Variants in SCAF8 observed in about 807,000 individuals in gnomAD.
The protein encoded by SCAF8 is SR-related CTD associated factor 8, also known as SR-related and CTD-associated factor 8.
Under a neutral mutation model 140.5 loss-of-function variants are expected in SCAF8, and 23 were observed. The ratio of observed to expected loss-of-function variants is 0.16; its 90% confidence interval spans 0.12 to 0.23. SCAF8 has a LOEUF of 0.23. SCAF8 is among the 10% of genes least tolerant of loss of function. The pLI is 1.00. For missense variants in SCAF8, 1,397 were observed against 1,555.7 expected (o/e 0.90, Z 1.72); for synonymous variants, 575 against 528.9 (o/e 1.09, Z -1.20).
At chr6:154,773,154 T>C (rs1776819931) in intron 1 of SCAF8, among the ~76,000 whole-genome samples, 1 of 152,246 alleles carries the variant, frequency 6.6e-6, no homozygotes, top group Admixed American at 6.5e-5. Context: ...GCAACCATCA[T>C]CACGTTCCAT....
intron 1 of SCAF8, among the ~76,000 whole-genome samples, chr6:154,737,347 T>A (rs561391983): frequency 5.9e-5 from 9 of 152,326 alleles, no homozygotes; most frequent in African/African-American, 2.2e-4. Flanking sequence ...ATCAGGAACG[T>A]TTGTCAACAA....
intron 6 of SCAF8, among the ~76,000 whole-genome samples, chr6:154,796,389 C>CTCTGTCTGTCTGTCTG (rs1554261842): frequency 2.8e-5 from 4 of 141,060 alleles, no homozygotes; most frequent in South Asian, 4.7e-4. Context: ...CTCTCTCTCT[C>CTCTGTCTGTCTGTCTG]TCTGTCTCTC....
chr6:154,756,058 G>A (rs941380695), intron 1 of SCAF8, among the ~76,000 whole-genome samples: 50 of 152,240 alleles, frequency 3.3e-4, no homozygotes, highest in African/African-American at 1.2e-3. Flanking sequence ...CTAACTGGAT[G>A]TTTATTTCAC....
rs1411957476 is a variant in SCAF8 at position 154,818,582 on chromosome 6, A to G, written c.1625A>G (p.Lys542Arg). The change falls in exon 14 of 20, where the codon AAG becomes AGG. Residue 542 changes from lysine to arginine, a missense_variant. By Grantham distance (26) the Lys-to-Arg change is conservative. This residue lies in a region of SCAF8 where 59 missense variants were observed against 110.7 expected (regional missense o/e 0.53). Coordinates refer to ENST00000367178, the MANE Select transcript of SCAF8 (RefSeq NM_014892.5). ...TCTGGATCATATAAAATTGGGTCCA[A>G]GGTCATTAAGGTGAGATTTGGTGGA... ...LSSGSYKIGS[K>R]VIKIAWALNK... The G allele has an allele frequency of 3.2e-6, 5 of 1,561,204 alleles. No individual in the cohort carries two copies. Among genetic ancestry groups the G allele is most frequent in the Non-Finnish European group, 3.5e-6 (4 of 1,139,014 alleles).
rs548750087 is a variant in SCAF8, at chr6:154,745,597, A to C, written c.30+11667A>C. Reference sequence around the variant, plus strand: ...GCTATGTTGCTCAGGCTGGGGTGTTAATTTTTATCTGCAGGGTTTCCCTAC... The same window carrying C: ...GCTATGTTGCTCAGGCTGGGGTGTTCATTTTTATCTGCAGGGTTTCCCTAC... On this transcript the variant is annotated intron_variant, in intron 1 of 19. Coordinates refer to ENST00000367178, the MANE Select transcript of SCAF8 (RefSeq NM_014892.5). Among the ~76,000 whole-genome samples, 3 of 152,054 alleles carry C rather than the reference A, an allele frequency of 2.0e-5. No homozygotes were observed. The East Asian group carries it at 5.8e-4, about 29-fold the overall frequency.
chr6:154,802,936 C>T (rs1777811147), intron 7 of SCAF8, among the ~76,000 whole-genome samples: 1 of 152,080 alleles, frequency 6.6e-6, no homozygotes, highest in South Asian at 2.1e-4. Flanking sequence ...AACTTAAAAT[C>T]TTTCATGTAC....
intron 3 of SCAF8, among the ~76,000 whole-genome samples, chr6:154,784,988 A>G (rs1395734980): frequency 6.6e-6 from 1 of 152,186 alleles, no homozygotes; most frequent in East Asian, 1.9e-4. Context: ...CCCCCTACCC[A>G]GGTAACCAGT....
intron 7 of SCAF8, 52 bp downstream of exon 7, chr6:154,802,199 A>C: frequency 2.8e-6 from 3 of 1,079,452 alleles, no homozygotes; most frequent in Non-Finnish European, 3.9e-6. Context: ...AATATTATAT[A>C]CTATCATGGA....
intron 3 of SCAF8, among the ~76,000 whole-genome samples, chr6:154,780,947 C>T (rs1218380286): frequency 1.3e-5 from 2 of 152,120 alleles, no homozygotes; most frequent in Non-Finnish European, 2.9e-5. Flanking sequence ...GGAATTGCCA[C>T]ACTGTCTTCC....
At chr6:154,818,926 TTTCA>T (rs1034065325) in intron 14 of SCAF8, among the ~76,000 whole-genome samples, 9 of 152,204 alleles carry the variant, frequency 5.9e-5, no homozygotes, top group Admixed American at 5.9e-4. Context: ...TAGTATTGTC[TTTCA>T]TTCACTTTTC....
intron 3 of SCAF8, among the ~76,000 whole-genome samples, chr6:154,780,466 A>G (rs1777054850): frequency 6.7e-6 from 1 of 150,170 alleles, no homozygotes; most frequent in African/African-American, 2.5e-5. Flanking sequence ...TCAACTTGTC[A>G]TCTAGGTTTT....
intron 3 of SCAF8, among the ~76,000 whole-genome samples, chr6:154,785,924 A>G (rs970754532): frequency 2.0e-5 from 3 of 152,218 alleles, no homozygotes; most frequent in Non-Finnish European, 4.4e-5. Flanking sequence ...AAAATGGTAT[A>G]TCTATAAAAA....
At chr6:154,808,330 C>T in intron 10 of SCAF8, 129 bp downstream of exon 10, 1 of 969,260 alleles carries the variant, frequency 1.0e-6, no homozygotes, top group Non-Finnish European at 1.5e-6. Context: ...ATTGTTTCAC[C>T]TATTAGGCCA....
chr6:154,786,906 T>C (rs1777273607), intron 3 of SCAF8, among the ~76,000 whole-genome samples: 1 of 152,258 alleles, frequency 6.6e-6, no homozygotes, highest in Non-Finnish European at 1.5e-5. Context: ...TTTTGCCATT[T>C]TATGTAGCAA....
Position 154,804,506 on chromosome 6 carries a change from A to T in SCAF8, c.864-863A>T, listed in dbSNP as rs137900101. Among the ~76,000 whole-genome samples, 429 of 152,210 alleles carry T rather than the reference A, an allele frequency of 2.8e-3. 1 individual carries two copies. The highest frequency in any genetic ancestry group is 5.0e-3 in the Non-Finnish European group (340 of 67,986). ...GCTTTCTGTAATGAGAAGTTAACTA[A>T]TTGTTATTATTGTGTGTTCTTTTGT... is the stretch of plus-strand genomic sequence containing the variant. On this transcript the variant is annotated intron_variant, in intron 8 of 19. Coordinates refer to ENST00000367178, the MANE Select transcript of SCAF8 (RefSeq NM_014892.5).
chr6:154,804,923 G>T (rs941543785), intron 8 of SCAF8, among the ~76,000 whole-genome samples: 1 of 152,086 alleles, frequency 6.6e-6, no homozygotes, highest in African/African-American at 2.4e-5. Context: ...AAGAATATTA[G>T]TTTTATAAAT....
Position 154,810,107 on chromosome 6 carries a change from G to A in SCAF8, c.1319G>A (p.Arg440Lys), listed in dbSNP as rs1423341520. ...RSRSRSRERKRKSSRSYSSER... is the reference protein window; with the variant it reads ...RSRSRSRERKKKSSRSYSSER... ...CGCTCCCGCTCAAGAGAAAGAAAGA[G>A]GAAATCATCACGGTCGTATTCAAGT... The change falls in exon 12 of 20, where the codon AGG becomes AAG. Residue 440 changes from arginine (R) to lysine (K), a missense_variant. Transcript: ENST00000367178. 2 of 1,613,862 alleles carry A rather than the reference G, an allele frequency of 1.2e-6. No homozygotes were observed. Among genetic ancestry groups the A allele is most frequent in the Admixed American group, 1.7e-5 (1 of 59,986 alleles).
At chr6:154,806,086 T>C (rs1041017169) in intron 9 of SCAF8, among the ~76,000 whole-genome samples, 4 of 152,200 alleles carry the variant, frequency 2.6e-5, no homozygotes, top group African/African-American at 7.2e-5. Flanking sequence ...GCTAGTGTTA[T>C]ATATTATCTG....
At chr6:154,760,955 TTTC>T (rs1273863493) in intron 1 of SCAF8, among the ~76,000 whole-genome samples, 1 of 151,824 alleles carries the variant, frequency 6.6e-6, no homozygotes, top group Non-Finnish European at 1.5e-5. Context: ...CATTGATTTT[TTTC>T]TTTTTTCTTT....
Sources: gnomAD v4.1 joint callset for allele counts (sites outside exome capture counted in the v4.1 genomes callset) on GRCh38, gnomAD v4.1.1 for gene constraint, gnomAD v4.1.1 regional missense constraint, MANE v1.5 for transcripts, NCBI Gene and HGNC (gene_info 2026-07-23, HGNC 2026-07-21) for gene names.